Variants in PTPRM observed in about 807,000 individuals in gnomAD.
PTPRM encodes receptor-type tyrosine-protein phosphatase mu.
Under a neutral mutation model 186.7 loss-of-function variants are expected in PTPRM, and 47 were observed. The observed-to-expected ratio is 0.25, with a 90% CI of 0.20 to 0.32. PTPRM has a LOEUF of 0.32. PTPRM is among the 10% of genes least tolerant of loss of function. The pLI, the probability that PTPRM is intolerant of heterozygous loss-of-function variation, is 1.00. For missense variants in PTPRM, 1,494 were observed against 1,865.0 expected, an observed-to-expected ratio of 0.80 and a Z score of 3.66; for synonymous variants, 668 against 674.9, an observed-to-expected ratio of 0.99 and a Z score of 0.16.
At chr18:8,072,652 A>G (rs1030759414) in intron 8 of PTPRM, among the ~76,000 whole-genome samples, 9 of 152,160 alleles carry the variant, frequency 5.9e-5, no homozygotes, top group African/African-American at 2.2e-4. Context: ...TTCATTGAAC[A>G]TTGTGAGTTT....
chr18:7,763,384 G>A (rs2144782469), intron 1 of PTPRM, among the ~76,000 whole-genome samples: 1 of 152,262 alleles, frequency 6.6e-6, no homozygotes, highest in Non-Finnish European at 1.5e-5. Context: ...TTAGGCTTCT[G>A]GACTAAATGT....
In PTPRM at chr18:7,842,957, G is replaced by T. The variant is rs1174055155; in HGVS notation, c.197-45149G>T. On this transcript the variant is annotated intron_variant, in intron 2 of 32. Coordinates refer to ENST00000580170, the MANE Select transcript of PTPRM (RefSeq NM_001105244.2). The stretch of plus-strand genomic sequence containing the variant: ...ATATATATATATATATAGAGAGAGA[G>T]AGAGAGAGAGAGAGAGAGAGAGATT... Among the ~76,000 whole-genome samples, 120 of 137,638 alleles carry T rather than the reference G, an allele frequency of 8.7e-4. 1 individual carries two copies. In the East Asian group the frequency reaches 0.014, roughly 17 times the overall value. The allele number at this position is 137,638 out of a possible 152,430, so 90.3% of individuals were successfully genotyped here. A position where few individuals can be genotyped will look rare whatever the true frequency, so the allele number is the denominator to read the frequency against.
At chr18:7,824,521 G>A (rs974472794) in intron 2 of PTPRM, among the ~76,000 whole-genome samples, 10 of 152,096 alleles carry the variant, frequency 6.6e-5, no homozygotes, top group South Asian at 2.1e-4. Flanking sequence ...TTTATTGCTC[G>A]TTTTTTCCCC....
intron 2 of PTPRM, among the ~76,000 whole-genome samples, chr18:7,884,162 T>C (rs2048647986): frequency 6.6e-6 from 1 of 151,962 alleles, no homozygotes; most frequent in Admixed American, 6.6e-5. Flanking sequence ...AAGAGCCACA[T>C]AATTTTAAAA....
chr18:8,388,628 C>T (rs944297571), intron 31 of PTPRM, among the ~76,000 whole-genome samples: 21 of 152,192 alleles, frequency 1.4e-4, no homozygotes, highest in African/African-American at 4.8e-4. Context: ...TCTCTAGTTG[C>T]TGTCATCCCC....
chr18:8,345,546 C>T (rs531069125), intron 23 of PTPRM, among the ~76,000 whole-genome samples: 11 of 151,490 alleles, frequency 7.3e-5, no homozygotes, highest in Non-Finnish European at 1.5e-4. Context: ...ATCTTAAACT[C>T]GAATTCTGGT....
chr18:7,800,876 G>T (rs997693981), intron 2 of PTPRM, among the ~76,000 whole-genome samples: 15 of 152,240 alleles, frequency 9.9e-5, no homozygotes, highest in Admixed American at 3.3e-4. Context: ...GCAACACAAT[G>T]ATAAGTATTA....
chr18:7,846,544 C>A (rs916785829), intron 2 of PTPRM, among the ~76,000 whole-genome samples: 1 of 152,214 alleles, frequency 6.6e-6, no homozygotes, highest in Admixed American at 6.5e-5. Flanking sequence ...GGCCCTCTCC[C>A]GTGCTTCTGT....
chr18:8,031,394 A>C (rs553917964), intron 7 of PTPRM, among the ~76,000 whole-genome samples: 1 of 152,204 alleles, frequency 6.6e-6, no homozygotes, highest in African/African-American at 2.4e-5. Context: ...TAGGGACATC[A>C]TGCGTTTGAT....
intron 32 of PTPRM, among the ~76,000 whole-genome samples, chr18:8,400,323 C>A (rs972979994): frequency 6.6e-6 from 1 of 152,224 alleles, no homozygotes; most frequent in Non-Finnish European, 1.5e-5. Context: ...GTTAAAAGCC[C>A]CTGGTGAGTC....
chr18:7,715,368 G>A (rs747774707), intron 1 of PTPRM, among the ~76,000 whole-genome samples: 4 of 152,054 alleles, frequency 2.6e-5, no homozygotes, highest in Non-Finnish European at 4.4e-5. Context: ...AAAATAATAA[G>A]AGCTATTTAT....
intron 14 of PTPRM, among the ~76,000 whole-genome samples, chr18:8,183,412 G>T (rs879263149): frequency 9.9e-5 from 15 of 152,162 alleles, no homozygotes; most frequent in South Asian, 6.2e-4. Context: ...GGAAAGCGGT[G>T]AACTTGTGAT....
At chr18:7,602,428 ATT>A (rs34285707) in intron 1 of PTPRM, among the ~76,000 whole-genome samples, 52 of 142,508 alleles carry the variant, frequency 3.6e-4, no homozygotes, top group East Asian at 6.1e-4. Flanking sequence ...GATTGTGGCA[ATT>A]TTTTTTTTTT....
chr18:8,346,260 C>T (rs1185477257), intron 23 of PTPRM, among the ~76,000 whole-genome samples: 4 of 152,182 alleles, frequency 2.6e-5, no homozygotes. Context: ...CCAAATGCCA[C>T]AAGCCAGGAG....
At chr18:7,791,555 C>T (rs2043346595) in intron 2 of PTPRM, among the ~76,000 whole-genome samples, 1 of 152,070 alleles carries the variant, frequency 6.6e-6, no homozygotes. Context: ...GGAAAAGTCC[C>T]TGGAGGATCT....
chr18:7,680,512 G>A (rs1296348845), intron 1 of PTPRM, among the ~76,000 whole-genome samples: 1 of 152,090 alleles, frequency 6.6e-6, no homozygotes, highest in African/African-American at 2.4e-5. Context: ...ATTGTGTTGT[G>A]GTGCCTCATG....
At chr18:8,275,130 T>C (rs2094818740) in intron 19 of PTPRM, among the ~76,000 whole-genome samples, 1 of 152,116 alleles carries the variant, frequency 6.6e-6, no homozygotes, top group Admixed American at 6.5e-5. Context: ...ATAAGGAGGC[T>C]AAAAATGGAA....
intron 14 of PTPRM, among the ~76,000 whole-genome samples, chr18:8,149,981 C>G (rs2092969361): frequency 6.6e-6 from 1 of 152,204 alleles, no homozygotes; most frequent in African/African-American, 2.4e-5. Flanking sequence ...GGGCCCCACT[C>G]TCTTCTGACT....
intron 14 of PTPRM, among the ~76,000 whole-genome samples, chr18:8,225,391 A>G (rs7228872): frequency 0.046 from 1,784 of 39,130 alleles, 15 homozygotes; most frequent in Non-Finnish European, 0.069. Context: ...TGTCTCTTGT[A>G]TTTTTTTTTT....
Sources: gnomAD v4.1 joint callset for allele counts (sites outside exome capture counted in the v4.1 genomes callset) on GRCh38, gnomAD v4.1.1 for gene constraint, MANE v1.5 for transcripts, NCBI Gene and HGNC (gene_info 2026-07-23, HGNC 2026-07-21) for gene names.